The following CIC variants were observed in gnomAD, a reference collection of about 807,000 sequenced individuals.
CIC encodes capicua transcriptional repressor.
In CIC, 18 loss-of-function variants were observed where a neutral mutation model predicts 115.7. The observed-to-expected ratio is 0.16, with a 90% CI of 0.11 to 0.23. The LOEUF (loss-of-function observed/expected upper bound fraction) is 0.23, where lower values mean the gene tolerates loss of function less well. CIC is among the 10% of genes least tolerant of loss of function. The pLI is 1.00. For synonymous variants in CIC, 1,076 were observed against 923.0 expected, an observed-to-expected ratio of 1.17 and a Z score of -3.01; for missense variants, 2,000 against 2,159.3, an observed-to-expected ratio of 0.93 and a Z score of 1.46.
Position 42,286,777 on chromosome 19 carries a change from C to T in CIC, c.2801C>T (p.Thr934Met), listed in dbSNP as rs2037679584. The change falls in exon 3 of 21, where the codon ACG becomes ATG. Residue 934 changes from threonine to methionine, a missense_variant. Around this residue, in one of 8 missense-constraint regions of CIC, gnomAD observed 222 missense variants for 247.7 expected, o/e 0.90. Coordinates refer to ENST00000681038, the MANE Select transcript of CIC (RefSeq NM_001386298.1). ...ACCTGGCTCCTTTCCACAGTGTGGA[C>T]GAATGTGGAACCTCGCTCTGTGGCT... ...VIMGRPGTVWTNVEPRSVAVF... is the reference protein window; with the variant it reads ...VIMGRPGTVWMNVEPRSVAVF... The T allele has an allele frequency of 1.9e-6, 3 of 1,613,942 alleles. No individual in the cohort carries two copies. Among genetic ancestry groups the T allele is most frequent in the Non-Finnish European group, 2.5e-6 (3 of 1,179,970 alleles).
Position 42,287,414 on chromosome 19 carries a change from T to A in CIC, c.3274T>A (p.Ser1092Thr). Residue 1092 changes from serine to threonine, a missense_variant, in exon 5 of 21, where the codon TCA becomes ACA. Transcript: ENST00000681038. The surrounding 1 kb of genome is among the most constrained non-coding windows in gnomAD (Gnocchi z 8.7). ...SLSALPKERD[S>T]SSEKDGRSPN... The stretch of plus-strand genomic sequence containing the variant: ...CAGTGCCCTACCCAAGGAACGGGAC[T>A]CATCTTCTGAGAAGGATGGACGCAG... 1.2e-6 allele frequency: 2 copies of A among 1,614,022 alleles called. No homozygotes were observed. Among genetic ancestry groups the A allele is most frequent in the South Asian group, 1.1e-5 (1 of 91,088 alleles).
At position 42,287,126 on chromosome 19, in the gene CIC, C is replaced by T; in HGVS notation, c.3065C>T (p.Pro1022Leu). The T allele has an allele frequency of 1.9e-6, 3 of 1,613,622 alleles. No homozygotes were observed. Among genetic ancestry groups the T allele is most frequent in the Admixed American group, 1.7e-5 (1 of 60,026 alleles). Reference sequence around the variant, plus strand: ...AGCCCAGGACCCGGACCCCCACACCCTTTGGGGGTGGTGGAATCTGGTAAG... The same window carrying T: ...AGCCCAGGACCCGGACCCCCACACCTTTTGGGGGTGGTGGAATCTGGTAAG... ...PESPGPGPPH[P>L]LGVVESGKGP... Residue 1022 changes from proline to leucine, a missense_variant, in exon 4 of 21, where the codon CCT becomes CTT. By Grantham distance (98) the Pro-to-Leu change is moderately conservative. This residue lies in a region of CIC where 222 missense variants were observed against 247.7 expected (regional missense o/e 0.90). Coordinates refer to ENST00000681038, the MANE Select transcript of CIC (RefSeq NM_001386298.1). The surrounding 1 kb of genome is among the most constrained non-coding windows in gnomAD (Gnocchi z 8.7).
At chr19:42,276,743 C>A (rs1488917746) in intron 2 of CIC, among the ~76,000 whole-genome samples, 1 of 152,130 alleles carries the variant, frequency 6.6e-6, no homozygotes, top group Non-Finnish European at 1.5e-5. Flanking sequence ...GGTCTCTAAC[C>A]ACTCCCCTAC....
Position 42,294,949 on chromosome 19 carries a change from C to T in CIC, c.7312C>T (p.Pro2438Ser). The change falls in exon 21 of 21, where the codon CCT becomes TCT. Residue 2438 changes from proline to serine, a missense_variant. Pro to Ser is a moderately conservative substitution (Grantham distance 74, BLOSUM62 -1). Around this residue, in one of 8 missense-constraint regions of CIC, gnomAD observed 133 missense variants for 116.0 expected, o/e 1.15. Transcript: ENST00000681038. ...GGCTGCCACTCCCACGGAGCAGCCC[C>T]CTGGAGCTGAGGCTCCTCTCCCTGT... The part of the protein sequence containing the change: ...MQAATPTEQP[P>S]GAEAPLPVPP... 6.2e-7 allele frequency: 1 copy of T among 1,600,500 alleles called. No homozygotes were observed. The highest frequency in any genetic ancestry group is 8.5e-7 in the Non-Finnish European group (1 of 1,179,930).
Position 42,287,076 on chromosome 19 carries a change from G to A in CIC, c.3015G>A (p.Arg1005=). 1 of 1,612,880 alleles carries A rather than the reference G, an allele frequency of 6.2e-7. No homozygotes were observed. The highest frequency in any genetic ancestry group is 8.5e-7 in the Non-Finnish European group (1 of 1,179,972). Residue 1005 remains arginine, a synonymous_variant, in exon 4 of 21, where the codon CGG becomes CGA. Coordinates refer to ENST00000681038, the MANE Select transcript of CIC (RefSeq NM_001386298.1). The surrounding 1 kb of genome is among the most constrained non-coding windows in gnomAD (Gnocchi z 8.7). ...GGACAGGGAGTGCTGACCCTGAGCGGCCCCCTGGAGCCACATGCCCTGAGA... is the reference window on the plus strand; with the variant it reads ...GGACAGGGAGTGCTGACCCTGAGCGACCCCCTGGAGCCACATGCCCTGAGA... ...PGGTGSADPE[R]PPGATCPESP...
Position 42,272,474 on chromosome 19 carries a change from G to C in CIC, c.691G>C (p.Gly231Arg). Residue 231 changes from glycine (G) to arginine (R), a missense_variant, in exon 2 of 21, where the codon GGC becomes CGC. Around this residue, in one of 8 missense-constraint regions of CIC, gnomAD observed 222 missense variants for 247.7 expected, o/e 0.90. Transcript: ENST00000681038. ...CCAGGTGCGCCGAAGCCAGGACCTG[G>C]GCGTGCAGTTCCCTGGTGACCGAGC... is the stretch of plus-strand genomic sequence containing the variant. Reference protein sequence around the residue: ...VRQVRRSQDLGVQFPGDRALT... With the variant: ...VRQVRRSQDLRVQFPGDRALT... The C allele has an allele frequency of 2.5e-6, 1 of 398,578 alleles. No individual in the cohort carries two copies. Among genetic ancestry groups the C allele is most frequent in the Non-Finnish European group, 4.4e-6 (1 of 226,018 alleles). 24.7% of individuals were successfully genotyped at this position (398,578 alleles called of 1,614,324 possible).
chr19:42,287,367 G>C lies in CIC; in HGVS notation c.3227G>C (p.Gly1076Ala), dbSNP rs368616680. The C allele has an allele frequency of 6.2e-7, 1 of 1,614,100 alleles. No homozygotes were observed. The highest frequency in any genetic ancestry group is 8.5e-7 in the Non-Finnish European group (1 of 1,180,006). ...SPEIQLPLPP[G>A]KRRTQSLSAL... ...GAGATCCAGTTGCCTCTACCGCCCG[G>C]AAAACGTCGGACCCAGTCCCTCAGT... Residue 1076 changes from glycine (G) to alanine (A), a missense_variant, in exon 5 of 21, where the codon GGA (glycine) becomes GCA (alanine). Physicochemically the swap from Gly to Ala is moderately conservative, Grantham distance 60. Coordinates refer to ENST00000681038, the MANE Select transcript of CIC (RefSeq NM_001386298.1). This position sits in a 1 kb window ranked among gnomAD's most constrained non-coding sequence, Gnocchi z 8.7.
Position 42,295,143 on chromosome 19 carries a change from G to GGGCGCCCCCCCCCCC in CIC, c.7506_7507insGGCGCCCCCCCCCCC (p.Gln2502_Pro2503insGlyAlaProProPro). 2 of 1,382,732 alleles carry GGGCGCCCCCCCCCCC rather than the reference G, an allele frequency of 1.4e-6. No individual in the cohort carries two copies. Among genetic ancestry groups the GGGCGCCCCCCCCCCC allele is most frequent in the Non-Finnish European group, 1.9e-6 (2 of 1,037,820 alleles). 85.7% of individuals were successfully genotyped at this position (1,382,732 alleles called of 1,614,324 possible). The stretch of plus-strand genomic sequence containing the variant: ...AGCCTGGCTGGGAGGGGGCTCCCCA[G>GGGCGCCCCCCCCCCC]CCCTCCCCCCCACCCCCAGGTCCCT... On this transcript the variant is annotated inframe_insertion, in exon 21 of 21. Transcript: ENST00000681038.
chr19:42,289,352 A>G lies in CIC; in HGVS notation c.4033A>G (p.Ser1345Gly). The stretch of plus-strand genomic sequence containing the variant: ...GCGTGCGGCCAGTGAGGACATGACG[A>G]GTGATGAGGAGCGCATGGTCATCTG... ...SQRAASEDMT[S>G]DEERMVICEE... Residue 1345 changes from serine (S) to glycine (G), a missense_variant, in exon 9 of 21, where the codon AGT becomes GGT. Transcript: ENST00000681038. The G allele has an allele frequency of 6.2e-7, 1 of 1,613,178 alleles. No homozygotes were observed. The highest frequency in any genetic ancestry group is 8.5e-7 in the Non-Finnish European group (1 of 1,179,584).
rs147076631 is a variant in CIC, at chr19:42,291,011, C to A, written c.4970C>A (p.Pro1657His). The A allele has an allele frequency of 1.2e-6, 2 of 1,613,800 alleles. No homozygotes were observed. The highest frequency in any genetic ancestry group is 1.7e-6 in the Non-Finnish European group (2 of 1,180,008). The part of the protein sequence containing the change: ...TSPAPHLVAG[P>H]LLGTVGKAPA... ...CCAGCCCCACACTTGGTGGCTGGACCCCTGCTGGGCACTGTGGGGAAGGCG... is the reference window on the plus strand; with the variant it reads ...CCAGCCCCACACTTGGTGGCTGGACACCTGCTGGGCACTGTGGGGAAGGCG... Residue 1657 changes from proline (P) to histidine (H), a missense_variant, in exon 11 of 21, where the codon CCC becomes CAC. By Grantham distance (77) the Pro-to-His change is moderately conservative. Coordinates refer to ENST00000681038, the MANE Select transcript of CIC (RefSeq NM_001386298.1).
Position 42,294,086 on chromosome 19 carries a change from A to G in CIC, c.6919A>G (p.Thr2307Ala). The G allele has an allele frequency of 1.2e-6, 2 of 1,613,552 alleles. No homozygotes were observed. The highest frequency in any genetic ancestry group is 1.7e-6 in the Non-Finnish European group (2 of 1,179,990). The change falls in exon 18 of 21, where the codon ACG becomes GCG. Residue 2307 changes from threonine (T) to alanine (A), a missense_variant. By Grantham distance (58) the Thr-to-Ala change is moderately conservative. Coordinates refer to ENST00000681038, the MANE Select transcript of CIC (RefSeq NM_001386298.1). ...TTACCGCAAGAAGAGGAAGAACTCCACGGGTAGGCGAGCATTGGGCACCCA... is the reference window on the plus strand; with the variant it reads ...TTACCGCAAGAAGAGGAAGAACTCCGCGGGTAGGCGAGCATTGGGCACCCA... ...GSYRKKRKNS[T>A]DLDSAPEDPT...
chr19:42,293,216 C>A lies in CIC; in HGVS notation c.6457C>A (p.Arg2153=). The A allele has an allele frequency of 6.3e-7, 1 of 1,596,256 alleles. No homozygotes were observed. Among genetic ancestry groups the A allele is most frequent in the Non-Finnish European group, 8.5e-7 (1 of 1,172,608 alleles). ...GCCAGAGACCTGGACTCCCACGGCC[C>A]GGAGCAGCCCCCCACTGCCCCCACC... ...PLPETWTPTA[R]SSPPLPPPAE... Residue 2153 remains arginine, a synonymous_variant, in exon 16 of 21, where the codon CGG becomes AGG. Coordinates refer to ENST00000681038, the MANE Select transcript of CIC (RefSeq NM_001386298.1).
intron 9 of CIC, 61 bp from the exon 10 acceptor site, chr19:42,289,787 G>C (rs2037937471): frequency 7.2e-7 from 1 of 1,382,386 alleles, no homozygotes; most frequent in South Asian, 1.2e-5. Flanking sequence ...GCTCCAGACT[G>C]TTTCTCCTGG....
intron 2 of CIC, 51 bp downstream of exon 2, chr19:42,274,628 T>G (rs1483199570): frequency 1.5e-5 from 6 of 398,638 alleles, no homozygotes; most frequent in Non-Finnish European, 2.7e-5. Context: ...GTAGAGGGCC[T>G]CTTGCAAGCT....
chr19:42,284,574 G>A (rs1044079355), intron 2 of CIC: 2 of 329,768 alleles, frequency 6.1e-6, no homozygotes, highest in Admixed American at 5.2e-5. Context: ...CGGCGGGGGG[G>A]GGGGCATGCG....
rs994032076 is a variant in CIC at position 42,284,611 on chromosome 19, C to G, written c.2795-2160C>G. ...CGACGGCCTCCCGCTCCCCCCGGGCCCAAGCGGCGACGGCCGAGGAGCGGG... is the reference window on the plus strand; with the variant it reads ...CGACGGCCTCCCGCTCCCCCCGGGCGCAAGCGGCGACGGCCGAGGAGCGGG... On this transcript the variant is annotated intron_variant, in intron 2 of 20. Coordinates refer to ENST00000681038, the MANE Select transcript of CIC (RefSeq NM_001386298.1). 3 of 821,262 alleles carry G rather than the reference C, an allele frequency of 3.7e-6. No individual in the cohort carries two copies. The Admixed American group carries it at 1.0e-4, about 27-fold the overall frequency. The allele number at this position is 821,262 out of a possible 1,614,324, so 50.9% of individuals were successfully genotyped here.
rs1408161236 is a variant in CIC at position 42,287,047 on chromosome 19, G to T, written c.2986G>T (p.Gly996Cys). The T allele has an allele frequency of 1.9e-6, 3 of 1,612,112 alleles. No homozygotes were observed. In the East Asian group the frequency reaches 6.7e-5, roughly 36 times the overall value. ...SAAVAHERPP[G>C]GTGSADPERP... ...AGCTGTTGCTCATGAACGGCCACCA[G>T]GTGGGACAGGGAGTGCTGACCCTGA... Residue 996 changes from glycine to cysteine, a missense_variant, in exon 4 of 21, where the codon GGT becomes TGT. Gly to Cys is a radical substitution (Grantham distance 159). Coordinates refer to ENST00000681038, the MANE Select transcript of CIC (RefSeq NM_001386298.1). The surrounding 1 kb of genome is among the most constrained non-coding windows in gnomAD (Gnocchi z 8.7).
chr19:42,293,655 G>C lies in CIC; in HGVS notation c.6586G>C (p.Gly2196Arg). The C allele has an allele frequency of 1.2e-6, 2 of 1,613,058 alleles. No homozygotes were observed. Among genetic ancestry groups the C allele is most frequent in the Non-Finnish European group, 1.7e-6 (2 of 1,179,836 alleles). Residue 2196 changes from glycine to arginine, a missense_variant, in exon 17 of 21, where the codon GGG becomes CGG. Transcript: ENST00000681038. Reference sequence around the variant, plus strand: ...CCCTGGGCAGGGCCTGGAGAATCGTGGGGAGCCTCCCACTCCTCCCAGCCC... The same window carrying C: ...CCCTGGGCAGGGCCTGGAGAATCGTCGGGAGCCTCCCACTCCTCCCAGCCC... ...RVPGQGLENR[G>R]EPPTPPSPAP...
chr19:42,288,821 T>C, intron 7 of CIC, 67 bp from the exon 8 acceptor site: 1 of 1,419,588 alleles, frequency 7.0e-7, no homozygotes, highest in Non-Finnish European at 9.9e-7. Flanking sequence ...ATCTATGGGT[T>C]GTTGGGCCAG....
Sources: gnomAD v4.1 joint callset for allele counts (sites outside exome capture counted in the v4.1 genomes callset) on GRCh38, gnomAD v4.1.1 for gene constraint, gnomAD v4.1.1 regional missense constraint, Gnocchi (gnomAD v3.1) non-coding constraint, MANE v1.5 for transcripts, NCBI Gene and HGNC (gene_info 2026-07-23, HGNC 2026-07-21) for gene names.